LINGO2: variants seen among roughly 807,000 people sequenced by gnomAD.
The protein encoded by LINGO2 is leucine-rich repeat and immunoglobulin-like domain-containing nogo receptor-interacting protein 2.
A neutral mutation model predicts 30.6 loss-of-function variants in LINGO2; 14 were observed. That is an observed-to-expected ratio of 0.46 (90% confidence interval 0.30 to 0.72). LINGO2 has a LOEUF of 0.72. Ranked by LOEUF, LINGO2 falls within the 30% of genes least tolerant of loss-of-function variation. LINGO2 has a pLI of 0.07. For missense variants in LINGO2, 729 were observed against 751.7 expected (o/e 0.97, Z 0.35); for synonymous variants, 317 against 288.5 (o/e 1.10, Z -1.00).
At chr9:29,138,445 T>A in the LINGO2 span, among the ~76,000 whole-genome samples, 1 of 152,158 alleles carries the variant, frequency 6.6e-6, no homozygotes, top group Admixed American at 6.6e-5. Context: ...TCCCATGTTT[T>A]CCTATATAGT....
chr9:28,540,442 T>G (rs760388344), intron 1 of LINGO2, among the ~76,000 whole-genome samples: 3 of 151,958 alleles, frequency 2.0e-5, no homozygotes, highest in Non-Finnish European at 4.4e-5. Flanking sequence ...TGTATTTTTT[T>G]GTAGAGACAG....
intron 1 of LINGO2, among the ~76,000 whole-genome samples, chr9:28,579,335 G>A (rs1483522442): frequency 1.3e-5 from 2 of 152,006 alleles, no homozygotes; most frequent in African/African-American, 4.8e-5. Context: ...TCTGAGGGAG[G>A]GGTAATGACA....
chr9:28,672,249 G>A (rs1026847051), upstream of LINGO2, among the ~76,000 whole-genome samples: 1 of 152,132 alleles, frequency 6.6e-6, no homozygotes, highest in Admixed American at 6.6e-5. Flanking sequence ...TGGTTGCATT[G>A]CATTTTACGA....
intron 4 of LINGO2, among the ~76,000 whole-genome samples, chr9:28,077,507 A>AT (rs1442706439): frequency 6.6e-6 from 1 of 152,182 alleles, no homozygotes; most frequent in African/African-American, 2.4e-5. Flanking sequence ...TAAAACTATT[A>AT]TTAAGTCCAT....
the LINGO2 span, among the ~76,000 whole-genome samples, chr9:29,050,356 C>A: frequency 6.6e-6 from 1 of 152,118 alleles, no homozygotes; most frequent in African/African-American, 2.4e-5. Context: ...ATGCCTTTAT[C>A]AAAACATCTC....
chr9:29,009,818 G>A, the LINGO2 span, among the ~76,000 whole-genome samples: 10 of 152,080 alleles, frequency 6.6e-5, no homozygotes, highest in African/African-American at 2.2e-4. Context: ...CATGGTACTG[G>A]TACCAAAACA....
intron 3 of LINGO2, among the ~76,000 whole-genome samples, chr9:28,319,332 T>G (rs749908049): frequency 2.6e-5 from 4 of 152,214 alleles, no homozygotes; most frequent in Admixed American, 1.3e-4. Flanking sequence ...CCTTCTTTCA[T>G]CTATCTTTTT....
intron 4 of LINGO2, among the ~76,000 whole-genome samples, chr9:28,141,702 G>A (rs1827676996): frequency 6.6e-6 from 1 of 152,078 alleles, no homozygotes; most frequent in Non-Finnish European, 1.5e-5. Context: ...GGATCACGAG[G>A]TCAGGAGTTC....
chr9:28,948,506 T>A, the LINGO2 span, among the ~76,000 whole-genome samples: 2 of 152,212 alleles, frequency 1.3e-5, no homozygotes, highest in East Asian at 3.9e-4. Context: ...TTGAGCAATT[T>A]TCTGACTCTC....
chr9:28,179,631 T>C (rs191547423), intron 4 of LINGO2, among the ~76,000 whole-genome samples: 4,668 of 142,448 alleles, frequency 0.033, 111 homozygotes, highest in Non-Finnish European at 0.055. Flanking sequence ...TATAGTATTT[T>C]ATACTATATA....
the LINGO2 span, among the ~76,000 whole-genome samples, chr9:28,844,033 C>A: frequency 2.0e-5 from 3 of 151,704 alleles, no homozygotes; most frequent in African/African-American, 4.9e-5. Flanking sequence ...ATATCAACAC[C>A]TTGTATTTAA....
intron 5 of LINGO2, among the ~76,000 whole-genome samples, chr9:27,990,472 C>CCCG (rs1587629622): frequency 7.0e-6 from 1 of 143,006 alleles, no homozygotes; most frequent in Non-Finnish European, 1.5e-5. Context: ...ACCCCCCCCC[C>CCCG]TTTTATTTTT....
intron 4 of LINGO2, among the ~76,000 whole-genome samples, chr9:28,237,203 G>T (rs1052424915): frequency 6.6e-6 from 1 of 151,578 alleles, no homozygotes; most frequent in Non-Finnish European, 1.5e-5. Flanking sequence ...GTGCTAAGCT[G>T]TCATCTGTTT....
intron 3 of LINGO2, among the ~76,000 whole-genome samples, chr9:28,318,256 G>A (rs1824915148): frequency 6.6e-6 from 1 of 152,116 alleles, no homozygotes; most frequent in Non-Finnish European, 1.5e-5. Context: ...AATACATTGA[G>A]TGACAACTCC....
chr9:28,901,771 G>C, the LINGO2 span, among the ~76,000 whole-genome samples: 1 of 151,454 alleles, frequency 6.6e-6, no homozygotes, highest in Admixed American at 6.6e-5. Flanking sequence ...AAGAAAGATA[G>C]CAAGAGAGGT....
At chr9:28,634,670 G>A (rs1411653179) in intron 1 of LINGO2, among the ~76,000 whole-genome samples, 3 of 151,714 alleles carry the variant, frequency 2.0e-5, no homozygotes, top group Non-Finnish European at 4.4e-5. Flanking sequence ...ATTTTTGGTA[G>A]AAACGGGGTT....
chr9:28,032,877 A>G (rs987094069), intron 4 of LINGO2, among the ~76,000 whole-genome samples: 14 of 152,342 alleles, frequency 9.2e-5, no homozygotes, highest in African/African-American at 3.4e-4. Flanking sequence ...ATTTTAAAAT[A>G]AAGTTTTCCA....
the LINGO2 span, among the ~76,000 whole-genome samples, chr9:28,885,488 T>TATATATAG: frequency 2.3e-4 from 2 of 8,522 alleles, no homozygotes; most frequent in South Asian, 4.5e-3. Flanking sequence ...TATACACGTT[T>TATATATAG]ATATATATAT....
chr9:28,399,934 T>C (rs1822192930), intron 2 of LINGO2, among the ~76,000 whole-genome samples: 1 of 152,214 alleles, frequency 6.6e-6, no homozygotes, highest in African/African-American at 2.4e-5. Flanking sequence ...ATTACTTAAC[T>C]AATACCATAC....
Sources: allele counts gnomAD v4.1 joint callset (sites outside exome capture counted in the v4.1 genomes callset), GRCh38; gene constraint gnomAD v4.1.1; transcripts MANE v1.5; gene names NCBI Gene and HGNC (gene_info 2026-07-23, HGNC 2026-07-21).